SHROOM4: variants seen among roughly 807,000 people sequenced by gnomAD.
The protein encoded by SHROOM4 is protein Shroom4.
A neutral mutation model predicts 80.3 loss-of-function variants in SHROOM4; 17 were observed. The ratio of observed to expected loss-of-function variants is 0.21; its 90% CI spans 0.14 to 0.32. The LOEUF (loss-of-function observed/expected upper bound fraction) is 0.32, where lower values mean the gene tolerates loss of function less well. Among genes scored for constraint, SHROOM4 ranks in the 10% least tolerant of loss-of-function variants. SHROOM4 has a pLI of 1.00. For missense variants in SHROOM4, 993 were observed against 1,140.3 expected, an observed-to-expected ratio of 0.87 and a Z score of 1.86; for synonymous variants, 400 against 437.5, an observed-to-expected ratio of 0.91 and a Z score of 1.07.
downstream of SHROOM4, among the ~76,000 whole-genome samples, chrX:50,586,572 G>A (rs2147189423): frequency 8.9e-6 from 1 of 111,912 alleles, no homozygotes; most frequent in South Asian, 3.7e-4. Context: ...CTGCTCAGGA[G>A]GAGAGGAGCT....
downstream of SHROOM4, among the ~76,000 whole-genome samples, chrX:50,585,074 A>C (rs187985636): frequency 1.1e-3 from 119 of 111,253 alleles, no homozygotes; most frequent in African/African-American, 3.8e-3. Context: ...AAGCCAGTGT[A>C]AGATATCACC....
chrX:50,635,778 GCA>G, intron 3 of SHROOM4, 110 bp from the exon 4 acceptor site: 1 of 593,053 alleles, frequency 1.7e-6, no homozygotes, highest in South Asian at 2.9e-5. Context: ...AGGAGGGTAG[GCA>G]AAAAAAAAAA....
Position 50,635,287 on chromosome X carries a change from G to T in SHROOM4, c.786C>A (p.Tyr262Ter). 2 of 1,200,001 alleles carry T rather than the reference G, an allele frequency of 1.7e-6. No individual in the cohort carries two copies. The change falls in exon 4 of 9, where the codon TAC becomes TAA. Residue 262 changes from tyrosine (Y) to a stop codon, truncating the protein, a stop_gained. Coordinates refer to ENST00000376020, the MANE Select transcript of SHROOM4 (RefSeq NM_020717.5). LOFTEE classifies it high-confidence loss of function. ...SQMSSRPQEG[Y>*]QSGPAKAVRG... ...TGACTGCTTTGGCGGGCCCTGACTG[G>T]TATCCCTCCTGTGGACGGGATGACA...
chrX:50,781,520 G>A (rs1218800276), intron 1 of SHROOM4, among the ~76,000 whole-genome samples: 2 of 110,352 alleles, frequency 1.8e-5, no homozygotes, highest in East Asian at 5.7e-4. Flanking sequence ...GCTTAGCAGG[G>A]ACAATTATAA....
At chrX:50,712,409 G>A (rs782392209) in intron 1 of SHROOM4, among the ~76,000 whole-genome samples, 2 of 111,599 alleles carry the variant, frequency 1.8e-5, no homozygotes, top group Non-Finnish European at 3.8e-5. Flanking sequence ...TAATTTCATT[G>A]TAAATGTTAA....
chrX:50,745,183 T>C (rs1036584504), intron 1 of SHROOM4, among the ~76,000 whole-genome samples: 2 of 111,720 alleles, frequency 1.8e-5, no homozygotes, highest in East Asian at 5.6e-4. Flanking sequence ...CACAGGTCTC[T>C]CTCTGAAATG....
intron 5 of SHROOM4, among the ~76,000 whole-genome samples, chrX:50,609,695 A>T (rs1416435985): frequency 1.1e-5 from 1 of 87,558 alleles, no homozygotes; most frequent in African/African-American, 4.7e-5. Context: ...GTGTGTGTAT[A>T]ATTTTAATAT....
At chrX:50,762,556 C>T (rs1935181535) in intron 1 of SHROOM4, among the ~76,000 whole-genome samples, 1 of 111,719 alleles carries the variant, frequency 9.0e-6, no homozygotes, top group Non-Finnish European at 1.9e-5. Context: ...TAACTTCCTT[C>T]GATATTTCTT....
intron 1 of SHROOM4, among the ~76,000 whole-genome samples, chrX:50,767,385 C>A (rs1202190358): frequency 9.0e-6 from 1 of 111,618 alleles, no homozygotes; most frequent in Non-Finnish European, 1.9e-5. Flanking sequence ...TTTATGATTT[C>A]TCCATCCTGG....
At chrX:50,671,788 G>C (rs781867390) in intron 2 of SHROOM4, among the ~76,000 whole-genome samples, 12 of 112,952 alleles carry the variant, frequency 1.1e-4, no homozygotes, top group African/African-American at 3.8e-4. Flanking sequence ...CACTGGAGTA[G>C]CACTTTTAAT....
intron 2 of SHROOM4, among the ~76,000 whole-genome samples, chrX:50,651,815 G>C (rs781869069): frequency 9.4e-6 from 1 of 106,772 alleles, no homozygotes; most frequent in Non-Finnish European, 1.9e-5. Context: ...TTTCACTTAT[G>C]AGTGAGAACA....
At chrX:50,637,820 A>G (rs956104627) in intron 3 of SHROOM4, among the ~76,000 whole-genome samples, 1 of 112,371 alleles carries the variant, frequency 8.9e-6, no homozygotes, top group East Asian at 2.8e-4. Flanking sequence ...GAAGCAGGCC[A>G]GAACTGAGCC....
intron 3 of SHROOM4, 29 bp from the exon 4 acceptor site, chrX:50,635,697 T>C: frequency 1.7e-6 from 2 of 1,185,957 alleles, no homozygotes; most frequent in South Asian, 1.8e-5. Context: ...ACTGGTTAGT[T>C]AGCGAAGTCA....
In SHROOM4 at chrX:50,813,860, T is replaced by A. The variant is rs782079750; in HGVS notation, c.117+42A>T. On this transcript the variant is annotated intron_variant, in intron 1 of 8. Transcript: ENST00000376020. ...GCAGCCTTCGCACCCGCTTGTCCAT[T>A]CAAAGTTAGGCGCCGTTAGGACATC... 3 of 1,052,919 alleles carry A rather than the reference T, an allele frequency of 2.8e-6. No individual in the cohort carries two copies. In the East Asian group the frequency reaches 9.1e-5, roughly 32 times the overall value. The allele number at this position is 1,052,919 out of a possible 1,213,427, so 86.8% of individuals were successfully genotyped here. A position where few individuals can be genotyped will look rare whatever the true frequency, so the allele number is the denominator to read the frequency against.
chrX:50,676,858 T>A (rs1269952514), intron 2 of SHROOM4, among the ~76,000 whole-genome samples: 3 of 111,601 alleles, frequency 2.7e-5, no homozygotes, highest in Non-Finnish European at 5.7e-5. Flanking sequence ...TAAACTGGTG[T>A]CTCTTAATTC....
chrX:50,615,247 T>C (rs1197237878), intron 5 of SHROOM4, among the ~76,000 whole-genome samples: 3 of 111,747 alleles, frequency 2.7e-5, no homozygotes, highest in Non-Finnish European at 5.6e-5. Context: ...ATTCATAAAA[T>C]ACAGACCCTT....
chrX:50,578,984 C>A, the SHROOM4 span, among the ~76,000 whole-genome samples: 2 of 111,468 alleles, frequency 1.8e-5, no homozygotes, highest in Non-Finnish European at 3.8e-5. Context: ...AGTGTATATC[C>A]ATAGTAACTC....
chrX:50,627,812 G>A, intron 4 of SHROOM4, 137 bp from the exon 5 acceptor site: 2 of 530,483 alleles, frequency 3.8e-6, no homozygotes, highest in East Asian at 3.6e-5. Context: ...TATGCAGGCT[G>A]AGAAATTTGT....
chrX:50,615,143 G>A (rs1402523125), intron 5 of SHROOM4, among the ~76,000 whole-genome samples: 2 of 108,271 alleles, frequency 1.8e-5, no homozygotes, highest in Non-Finnish European at 3.8e-5. Context: ...TACACTAAAT[G>A]CATTTATTAC....
Sources: gnomAD v4.1 joint callset for allele counts (sites outside exome capture counted in the v4.1 genomes callset) on GRCh38, gnomAD v4.1.1 for gene constraint, MANE v1.5 for transcripts, NCBI Gene and HGNC (gene_info 2026-07-23, HGNC 2026-07-21) for gene names.